KCTD15: variants seen among roughly 807,000 people sequenced by gnomAD.
KCTD15 encodes the protein BTB/POZ domain-containing protein KCTD15.
In KCTD15, 11 loss-of-function variants were observed where a neutral mutation model predicts 27.2. The observed-to-expected ratio is 0.41, with a 90% CI of 0.25 to 0.67. The LOEUF (loss-of-function observed/expected upper bound fraction) is 0.67, where lower values mean the gene tolerates loss of function less well. Among genes scored for constraint, KCTD15 ranks in the 30% least tolerant of loss-of-function variants. The probability of loss-of-function intolerance (pLI) is 0.35; values close to 1 mark genes in which losing one functional copy is unlikely to be tolerated. For synonymous variants in KCTD15, 163 were observed against 176.0 expected (o/e 0.93, Z 0.58); for missense variants, 350 against 409.3 (o/e 0.86, Z 1.25).
At chr19:33,807,582 C>T (rs1229682904) in intron 5 of KCTD15, among the ~76,000 whole-genome samples, 1 of 152,114 alleles carries the variant, frequency 6.6e-6, no homozygotes, top group Non-Finnish European at 1.5e-5. Flanking sequence ...ATTAGCCAGG[C>T]GTGGTGGCAG....
rs553207022 is a variant in KCTD15 at position 33,802,970 on chromosome 19, C to A, written c.242+1628C>A. Among the ~76,000 whole-genome samples the A allele has an allele frequency of 1.5e-4, 23 of 152,058 alleles. 2 individuals carry two copies. Among genetic ancestry groups the A allele is most frequent in the African/African-American group, 5.5e-4 (23 of 41,486 alleles). The stretch of plus-strand genomic sequence containing the variant: ...CAGGAGGGCAGGGGGCCATCTCCCC[C>A]CACCCAGCCCCACTGTGCTGCTCAC... On this transcript the variant is annotated intron_variant, in intron 4 of 6. Coordinates refer to ENST00000683859, the MANE Select transcript of KCTD15 (RefSeq NM_001129994.2).
intron 5 of KCTD15, among the ~76,000 whole-genome samples, chr19:33,808,583 A>T (rs1234255769): frequency 6.6e-6 from 1 of 152,140 alleles, no homozygotes; most frequent in East Asian, 1.9e-4. Flanking sequence ...GTTTGATGTC[A>T]GGACCTTGGT....
At position 33,800,503 on chromosome 19, in the gene KCTD15, G is replaced by A. The variant is rs146382881; in HGVS notation, c.49G>A (p.Gly17Ser). The change falls in exon 3 of 7, where the codon GGC becomes AGC. Residue 17 changes from glycine (G) to serine (S), a missense_variant. Physicochemically the swap from Gly to Ser is moderately conservative, Grantham distance 56. Coordinates refer to ENST00000683859, the MANE Select transcript of KCTD15 (RefSeq NM_001129994.2). ...GAGCGGGTCCTCGCTTCACACACACGGCAGCACCGGCACCGCGGTGAGCCT... is the reference window on the plus strand; with the variant it reads ...GAGCGGGTCCTCGCTTCACACACACAGCAGCACCGGCACCGCGGTGAGCCT... ...RPSGSSLHTH[G>S]STGTAEGGNM... The A allele has an allele frequency of 1.2e-5, 20 of 1,600,546 alleles. No homozygotes were observed. The highest frequency in any genetic ancestry group is 5.3e-5 in the African/African-American group (4 of 74,790).
At chr19:33,807,408 T>C (rs1036924444) in intron 5 of KCTD15, among the ~76,000 whole-genome samples, 3 of 151,972 alleles carry the variant, frequency 2.0e-5, no homozygotes, top group Admixed American at 6.6e-5. Flanking sequence ...GCCAACTTGA[T>C]GAAACCCCAT....
rs1392266596 is a variant in KCTD15 at position 33,800,639 on chromosome 19, G to A, written c.66+119G>A. On this transcript the variant is annotated intron_variant, in intron 3 of 6. Transcript: ENST00000683859. Reference sequence around the variant, plus strand: ...TGACACTCCAGGTGGCTGTTGACTGGCTGTAGGATTATGTATTTTTGAAAC... The same window carrying A: ...TGACACTCCAGGTGGCTGTTGACTGACTGTAGGATTATGTATTTTTGAAAC... 23 of 870,776 alleles carry A rather than the reference G, an allele frequency of 2.6e-5. 1 individual carries two copies. The South Asian group carries it at 3.5e-4, about 13-fold the overall frequency. The allele number at this position is 870,776 out of a possible 1,614,324, so 53.9% of individuals were successfully genotyped here. A position where few individuals can be genotyped will look rare whatever the true frequency, so the allele number is the denominator to read the frequency against.
chr19:33,794,966 A>C (rs1444015962), upstream of KCTD15, among the ~76,000 whole-genome samples: 1 of 152,200 alleles, frequency 6.6e-6, no homozygotes, highest in Non-Finnish European at 1.5e-5. Flanking sequence ...ACCGGGGCGT[A>C]GGGAGCAGAG....
rs760046368 is a variant in KCTD15 at position 33,811,744 on chromosome 19, T to C, written c.693+192T>C. On this transcript the variant is annotated intron_variant, in intron 6 of 6. Coordinates refer to ENST00000683859, the MANE Select transcript of KCTD15 (RefSeq NM_001129994.2). ...TAATTAAATGATGGCGCCTGGGGGA[T>C]GGACTTAAAAAAATCGATCTGTACT... The C allele has an allele frequency of 5.7e-6, 9 of 1,584,394 alleles. No homozygotes were observed. In the South Asian group the frequency reaches 1.0e-4, roughly 18 times the overall value.
rs1296620284 is a variant in KCTD15, at chr19:33,800,650, A to G, written c.66+130A>G. ...GTGGCTGTTGACTGGCTGTAGGATT[A>G]TGTATTTTTGAAACAAAAATGCTCT... On this transcript the variant is annotated intron_variant, in intron 3 of 6. Coordinates refer to ENST00000683859, the MANE Select transcript of KCTD15 (RefSeq NM_001129994.2). The G allele has an allele frequency of 4.9e-6, 4 of 813,974 alleles. No homozygotes were observed. The African/African-American group carries it at 6.9e-5, about 14-fold the overall frequency. 50.4% of individuals were successfully genotyped at this position (813,974 alleles called of 1,614,324 possible).
At chr19:33,795,617 C>T (rs1975296693), upstream of KCTD15, among the ~76,000 whole-genome samples, 1 of 152,028 alleles carries the variant, frequency 6.6e-6, no homozygotes, top group African/African-American at 2.4e-5. Context: ...CGCTCCGTTT[C>T]CTAGGAGCCG....
chr19:33,807,194 G>A (rs900187440), intron 5 of KCTD15, among the ~76,000 whole-genome samples, 187 bp downstream of exon 5: 3 of 152,212 alleles, frequency 2.0e-5, no homozygotes, highest in African/African-American at 7.2e-5. Flanking sequence ...ATTTATCAGG[G>A]TATATAACAA....
intron 5 of KCTD15, 62 bp downstream of exon 5, chr19:33,807,069 T>C (rs1445454793): frequency 2.6e-6 from 4 of 1,539,868 alleles, no homozygotes; most frequent in Non-Finnish European, 3.5e-6. Flanking sequence ...CAGGGGACGC[T>C]GTGACTTAAT....
chr19:33,804,955 G>A (rs898393416), intron 4 of KCTD15, among the ~76,000 whole-genome samples: 4 of 152,156 alleles, frequency 2.6e-5, no homozygotes, highest in South Asian at 2.1e-4. Flanking sequence ...AAGCGACAGC[G>A]TTTGTCTTTC....
chr19:33,805,202 G>C (rs746391472), intron 4 of KCTD15, among the ~76,000 whole-genome samples: 118 of 152,294 alleles, frequency 7.7e-4, no homozygotes, highest in Non-Finnish European at 1.3e-3. Flanking sequence ...GATTACAGGT[G>C]TGAGCCACGG....
chr19:33,811,191 T>TGCC, intron 5 of KCTD15, 56 bp from the exon 6 acceptor site: 1 of 615,002 alleles, frequency 1.6e-6, no homozygotes, highest in Non-Finnish European at 2.5e-6. Flanking sequence ...CTCTCCCCCT[T>TGCC]CCCCCACCAC....
intron 4 of KCTD15, among the ~76,000 whole-genome samples, chr19:33,802,326 C>A (rs1975584897): frequency 6.6e-6 from 1 of 152,174 alleles, no homozygotes; most frequent in Admixed American, 6.5e-5. Context: ...GTTAATTAAT[C>A]CCCCAGATAC....
At chr19:33,811,612 G>A in intron 6 of KCTD15, 60 bp downstream of exon 6, 1 of 1,558,926 alleles carries the variant, frequency 6.4e-7, no homozygotes, top group Non-Finnish European at 8.7e-7. Context: ...AGCCCTCCAG[G>A]GGCAGAGTGA....
At chr19:33,801,650 A>G (rs1975552327) in intron 4 of KCTD15, 1 of 275,718 alleles carries the variant, frequency 3.6e-6, no homozygotes, top group African/African-American at 2.2e-5. Flanking sequence ...GGCAGCGGGC[A>G]GGGGAGTCTC....
chr19:33,800,984 A>C (rs546212341), intron 3 of KCTD15, among the ~76,000 whole-genome samples, 183 bp from the exon 4 acceptor site: 3 of 152,322 alleles, frequency 2.0e-5, no homozygotes, highest in African/African-American at 7.2e-5. Context: ...AAAATGATGC[A>C]AATACACTTA....
At chr19:33,804,507 C>T (rs181371127) in intron 4 of KCTD15, among the ~76,000 whole-genome samples, 16 of 170 alleles carry the variant, frequency 0.094, no homozygotes, top group Non-Finnish European at 0.043. Flanking sequence ...GGAGAGTTCC[C>T]AGGAGGCTGA....
Sources: allele counts gnomAD v4.1 joint callset (sites outside exome capture counted in the v4.1 genomes callset), GRCh38; gene constraint gnomAD v4.1.1; transcripts MANE v1.5; gene names NCBI Gene and HGNC (gene_info 2026-07-23, HGNC 2026-07-21).